EEFSEC: variants seen among roughly 807,000 people sequenced by gnomAD.
The protein encoded by EEFSEC is selenocysteine-specific elongation factor.
A neutral mutation model predicts 42.1 loss-of-function variants in EEFSEC; 43 were observed. The observed-to-expected ratio is 1.02, with a 90% confidence interval of 0.80 to 1.32. The LOEUF (loss-of-function observed/expected upper bound fraction) is 1.32, where lower values mean the gene tolerates loss of function less well. Among genes scored for constraint, EEFSEC ranks in the 40% most tolerant of loss-of-function variants. EEFSEC has a pLI of 0.00. For missense variants in EEFSEC, 745 were observed against 803.6 expected, an observed-to-expected ratio of 0.93 and a Z score of 0.88; for synonymous variants, 354 against 339.1, an observed-to-expected ratio of 1.04 and a Z score of -0.48.
In EEFSEC at chr3:128,231,041, A is replaced by G. The variant is rs116633048; in HGVS notation, c.317-15795A>G. Among the ~76,000 whole-genome samples, 506 of 152,132 alleles carry G rather than the reference A, an allele frequency of 3.3e-3. 1 individual carries two copies. The highest frequency in any genetic ancestry group is 0.012 in the African/African-American group (487 of 41,506). On this transcript the variant is annotated intron_variant, in intron 1 of 6. Transcript: ENST00000254730. ...GGCTCCACCACATTCTAGCTATAGG[A>G]CTGCACTGTCCCCCTACTCCTCTCC...
At chr3:128,418,890 C>T in the EEFSEC span, among the ~76,000 whole-genome samples, 1 of 152,176 alleles carries the variant, frequency 6.6e-6, no homozygotes, top group Non-Finnish European at 1.5e-5. Context: ...TGCCTCTGCC[C>T]CTGCTCTCTG....
intron 1 of EEFSEC, among the ~76,000 whole-genome samples, chr3:128,168,252 T>A (rs1344600760): frequency 6.6e-6 from 1 of 152,180 alleles, no homozygotes; most frequent in Non-Finnish European, 1.5e-5. Flanking sequence ...GGCAGAGGAA[T>A]GTGCCAGCTG....
rs141791255 is a variant in EEFSEC at position 128,369,734 on chromosome 3, T to G, written c.1600+11361T>G. ...TTGAGGACTTTCCCTCCTAGCTTTT[T>G]AAATAATTTCAAACATACTGAAGAG... On this transcript the variant is annotated intron_variant, in intron 6 of 6. Coordinates refer to ENST00000254730, the MANE Select transcript of EEFSEC (RefSeq NM_021937.5). 1.3e-3 allele frequency among the ~76,000 whole-genome samples: 195 copies of G among 152,330 alleles called. 2 individuals carry two copies. In the Middle Eastern group the frequency reaches 0.014, roughly 11 times the overall value.
intron 4 of EEFSEC, among the ~76,000 whole-genome samples, chr3:128,315,206 G>A (rs1290583639): frequency 6.6e-6 from 1 of 152,226 alleles, no homozygotes; most frequent in African/African-American, 2.4e-5. Context: ...GATAATAAGA[G>A]TACCTGCCTC....
At chr3:128,290,044 TTTTG>T (rs1228905146) in intron 4 of EEFSEC, among the ~76,000 whole-genome samples, 1 of 152,362 alleles carries the variant, frequency 6.6e-6, no homozygotes, top group East Asian at 1.9e-4. Flanking sequence ...TGCCTTTTCA[TTTTG>T]TTAATGGTGT....
intron 6 of EEFSEC, among the ~76,000 whole-genome samples, chr3:128,372,401 C>A (rs944202240): frequency 1.3e-5 from 2 of 152,178 alleles, no homozygotes; most frequent in African/African-American, 2.4e-5. Flanking sequence ...AACCCTGAAG[C>A]CTTTAAATAC....
At position 128,175,717 on chromosome 3, in the gene EEFSEC, G is replaced by C. The variant is rs542862917; in HGVS notation, c.316+21894G>C. ...TGCTGTTGGGGGAACTCATAGTGCT[G>C]GGAGAAGCCTGCTGGGCCTCTTTTT... On this transcript the variant is annotated intron_variant, in intron 1 of 6. Coordinates refer to ENST00000254730, the MANE Select transcript of EEFSEC (RefSeq NM_021937.5). Among the ~76,000 whole-genome samples the C allele has an allele frequency of 2.0e-5, 3 of 152,356 alleles. No individual in the cohort carries two copies. The East Asian group carries it at 5.8e-4, about 29-fold the overall frequency.
At chr3:128,409,639 G>A (rs1248563903), downstream of EEFSEC, among the ~76,000 whole-genome samples, 4 of 152,222 alleles carry the variant, frequency 2.6e-5, no homozygotes, top group Non-Finnish European at 1.5e-5. Context: ...GTGTGGCCCC[G>A]GTGAGCGTGG....
At chr3:128,207,284 C>T (rs949018576) in intron 1 of EEFSEC, among the ~76,000 whole-genome samples, 1 of 139,622 alleles carries the variant, frequency 7.2e-6, no homozygotes. Context: ...ATCTTCCTGA[C>T]TCCTTGCTTT....
intron 6 of EEFSEC, among the ~76,000 whole-genome samples, chr3:128,407,333 G>T (rs755636670): frequency 1.3e-5 from 2 of 152,216 alleles, no homozygotes; most frequent in Non-Finnish European, 2.9e-5. Flanking sequence ...CCTGGCAGAG[G>T]ATCCCGGGAT....
chr3:128,332,926 T>C (rs183226654), intron 4 of EEFSEC, among the ~76,000 whole-genome samples: 1 of 152,350 alleles, frequency 6.6e-6, no homozygotes, highest in East Asian at 1.9e-4. Context: ...TTAAACAAAA[T>C]TGGTTAGGTC....
At chr3:128,165,427 T>C (rs1019865721) in intron 1 of EEFSEC, among the ~76,000 whole-genome samples, 25 of 152,356 alleles carry the variant, frequency 1.6e-4, no homozygotes, top group African/African-American at 6.0e-4. Flanking sequence ...CTTTTGTTAA[T>C]TGGGTCTTTT....
At chr3:128,322,211 G>A (rs886243340) in intron 4 of EEFSEC, among the ~76,000 whole-genome samples, 3 of 152,210 alleles carry the variant, frequency 2.0e-5, no homozygotes, top group South Asian at 2.1e-4. Context: ...ATGACGGCCC[G>A]TCCAGGTTCA....
chr3:128,411,768 A>G (rs1048046258), downstream of EEFSEC, among the ~76,000 whole-genome samples: 1 of 152,100 alleles, frequency 6.6e-6, no homozygotes. Context: ...GGGTTAATAT[A>G]TTTTCAATAG....
intron 1 of EEFSEC, among the ~76,000 whole-genome samples, chr3:128,204,962 G>T (rs2065677891): frequency 6.6e-6 from 1 of 152,200 alleles, no homozygotes; most frequent in Non-Finnish European, 1.5e-5. Context: ...TCTGCTGCGT[G>T]ACGGGCTTCC....
At chr3:128,222,596 T>C (rs6439123) in intron 1 of EEFSEC, among the ~76,000 whole-genome samples, 108,591 of 152,044 alleles carry the variant, frequency 0.71, 38,988 homozygotes, top group East Asian at 0.89. Flanking sequence ...TTTTATTGTC[T>C]TGCTCTACCA....
At chr3:128,263,166 T>A (rs2066316722) in intron 3 of EEFSEC, among the ~76,000 whole-genome samples, 1 of 152,232 alleles carries the variant, frequency 6.6e-6, no homozygotes, top group Admixed American at 6.5e-5. Flanking sequence ...GTTCTTTACA[T>A]ACAGGATCAT....
At chr3:128,251,766 T>G (rs2066189589) in intron 2 of EEFSEC, among the ~76,000 whole-genome samples, 1 of 152,246 alleles carries the variant, frequency 6.6e-6, no homozygotes, top group Non-Finnish European at 1.5e-5. Flanking sequence ...TTAGTTGCTT[T>G]TTTTGACATG....
chr3:128,383,171 T>C (rs1260095636), intron 6 of EEFSEC, among the ~76,000 whole-genome samples: 1 of 152,252 alleles, frequency 6.6e-6, no homozygotes, highest in Non-Finnish European at 1.5e-5. Flanking sequence ...GTCTCTTTGC[T>C]GTACTGCCTT....
Sources: allele counts gnomAD v4.1 joint callset (sites outside exome capture counted in the v4.1 genomes callset), GRCh38; gene constraint gnomAD v4.1.1; transcripts MANE v1.5; gene names NCBI Gene and HGNC (gene_info 2026-07-23, HGNC 2026-07-21).